TMEM132D: variants seen among roughly 807,000 people sequenced by gnomAD.
TMEM132D encodes transmembrane protein 132D.
TMEM132D carries 21 observed loss-of-function variants against 62.3 expected under a neutral mutation model. The ratio of observed to expected loss-of-function variants is 0.34; its 90% CI spans 0.24 to 0.49. TMEM132D has a LOEUF of 0.49. Among genes scored for constraint, TMEM132D ranks in the 20% least tolerant of loss-of-function variants. The pLI, the probability that TMEM132D is intolerant of heterozygous loss-of-function variation, is 0.99. For missense variants in TMEM132D, 1,346 were observed against 1,402.8 expected, an observed-to-expected ratio of 0.96 and a Z score of 0.65; for synonymous variants, 621 against 575.6, an observed-to-expected ratio of 1.08 and a Z score of -1.13.
chr12:129,305,780 C>G (rs898750060), intron 4 of TMEM132D, among the ~76,000 whole-genome samples: 1 of 152,160 alleles, frequency 6.6e-6, no homozygotes, highest in South Asian at 2.1e-4. Flanking sequence ...ATGGACATTA[C>G]AAGGTCCGGT....
intron 3 of TMEM132D, among the ~76,000 whole-genome samples, chr12:129,528,004 A>C (rs1260145260): frequency 6.6e-6 from 1 of 152,218 alleles, no homozygotes; most frequent in African/African-American, 2.4e-5. Context: ...CATTAACACA[A>C]CTTCCTGATC....
chr12:129,681,016 A>G (rs1197688161), intron 2 of TMEM132D, among the ~76,000 whole-genome samples: 1 of 152,180 alleles, frequency 6.6e-6, no homozygotes, highest in Non-Finnish European at 1.5e-5. Context: ...AGTGGCTTCA[A>G]TTGACCAAAT....
At chr12:129,728,365 T>C (rs1301989956) in intron 1 of TMEM132D, among the ~76,000 whole-genome samples, 1 of 152,238 alleles carries the variant, frequency 6.6e-6, no homozygotes, top group Non-Finnish European at 1.5e-5. Flanking sequence ...ATTTTGCTTC[T>C]GAGTGAGAAC....
intron 5 of TMEM132D, among the ~76,000 whole-genome samples, chr12:129,151,602 T>C (rs556296676): frequency 2.6e-5 from 4 of 152,326 alleles, no homozygotes; most frequent in African/African-American, 4.8e-5. Context: ...AATATTTCTC[T>C]ACTAATTGAC....
intron 3 of TMEM132D, among the ~76,000 whole-genome samples, chr12:129,454,217 T>C (rs1873389863): frequency 6.6e-6 from 1 of 152,122 alleles, no homozygotes; most frequent in African/African-American, 2.4e-5. Flanking sequence ...GGTCCAAGCA[T>C]TGCTATTGAG....
intron 3 of TMEM132D, among the ~76,000 whole-genome samples, chr12:129,424,909 C>G (rs946231019): frequency 1.3e-5 from 2 of 152,012 alleles, no homozygotes; most frequent in Non-Finnish European, 1.5e-5. Flanking sequence ...TTTCATCACC[C>G]TAGAAAGATT....
At chr12:129,458,459 C>A (rs1873550697) in intron 3 of TMEM132D, among the ~76,000 whole-genome samples, 2 of 150,178 alleles carry the variant, frequency 1.3e-5, no homozygotes, top group African/African-American at 2.5e-5. Context: ...CCATAAGACA[C>A]AAGCTAAATT....
At chr12:129,841,972 C>T (rs1873207240) in intron 1 of TMEM132D, among the ~76,000 whole-genome samples, 1 of 150,892 alleles carries the variant, frequency 6.6e-6, no homozygotes. Flanking sequence ...GGTCTGTCCC[C>T]CAGGCTGGAG....
intron 4 of TMEM132D, among the ~76,000 whole-genome samples, chr12:129,330,896 T>C (rs1566035714): frequency 6.6e-6 from 1 of 152,214 alleles, no homozygotes; most frequent in Non-Finnish European, 1.5e-5. Context: ...AGGGACATAC[T>C]GAGCCTATGT....
At chr12:129,129,780 G>T (rs568438674) in intron 5 of TMEM132D, among the ~76,000 whole-genome samples, 1 of 152,074 alleles carries the variant, frequency 6.6e-6, no homozygotes, top group Non-Finnish European at 1.5e-5. Flanking sequence ...TTGGCCGCTC[G>T]TATGTCTTCT....
intron 1 of TMEM132D, among the ~76,000 whole-genome samples, chr12:129,802,719 C>T (rs1193720981): frequency 6.6e-6 from 1 of 150,914 alleles, no homozygotes; most frequent in Non-Finnish European, 1.5e-5. Context: ...GGACTAAATG[C>T]TCCAATTAAA....
At chr12:129,313,332 C>T in intron 4 of TMEM132D, among the ~76,000 whole-genome samples, 1 of 152,110 alleles carries the variant, frequency 6.6e-6, no homozygotes, top group Non-Finnish European at 1.5e-5. Context: ...CCTACTCTTC[C>T]CATAATCCTC....
At chr12:129,593,690 T>C (rs1878257792) in intron 2 of TMEM132D, among the ~76,000 whole-genome samples, 1 of 152,210 alleles carries the variant, frequency 6.6e-6, no homozygotes, top group South Asian at 2.1e-4. Flanking sequence ...TTCCTTTACT[T>C]GCTCAATACT....
chr12:129,701,201 C>A (rs1881377611), intron 1 of TMEM132D, among the ~76,000 whole-genome samples: 1 of 152,170 alleles, frequency 6.6e-6, no homozygotes, highest in Admixed American at 6.5e-5. Flanking sequence ...CCTTTGTGTT[C>A]CACTCATATG....
At chr12:129,561,943 A>G (rs1877246831) in intron 2 of TMEM132D, among the ~76,000 whole-genome samples, 1 of 152,230 alleles carries the variant, frequency 6.6e-6, no homozygotes, top group Non-Finnish European at 1.5e-5. Flanking sequence ...AAGGAAGGTG[A>G]AAAGTTTCTG....
intron 3 of TMEM132D, among the ~76,000 whole-genome samples, chr12:129,453,778 G>A (rs188403731): frequency 1.8e-4 from 28 of 152,230 alleles, no homozygotes; most frequent in East Asian, 1.5e-3. Context: ...CTTGGCTTGC[G>A]TCCTACGTTG....
intron 3 of TMEM132D, among the ~76,000 whole-genome samples, chr12:129,376,755 T>C (rs945831245): frequency 6.6e-6 from 1 of 152,208 alleles, no homozygotes; most frequent in African/African-American, 2.4e-5. Context: ...TTAGGCTTCA[T>C]AAGTGACCTT....
intron 4 of TMEM132D, among the ~76,000 whole-genome samples, chr12:129,298,031 A>C (rs751326632): frequency 5.3e-5 from 8 of 152,214 alleles, no homozygotes; most frequent in Non-Finnish European, 1.0e-4. Context: ...GTGGGGAGAC[A>C]TGGAAACATT....
At chr12:129,307,906 C>T (rs1036903954) in intron 4 of TMEM132D, among the ~76,000 whole-genome samples, 1 of 152,198 alleles carries the variant, frequency 6.6e-6, no homozygotes, top group African/African-American at 2.4e-5. Context: ...ATATCCCCCA[C>T]ATCCTAACTA....
Sources: gnomAD v4.1 joint callset for allele counts (sites outside exome capture counted in the v4.1 genomes callset) on GRCh38, gnomAD v4.1.1 for gene constraint, MANE v1.5 for transcripts, NCBI Gene and HGNC (gene_info 2026-07-23, HGNC 2026-07-21) for gene names.